The following ACOXL variants were observed in gnomAD, a reference collection of about 807,000 sequenced individuals.
ACOXL encodes the protein acyl-CoA oxidase like, also known as acyl-coenzyme A oxidase-like protein.
ACOXL carries 70 observed loss-of-function variants against 71.9 expected under a neutral mutation model. The ratio of observed to expected loss-of-function variants is 0.97; its 90% CI spans 0.80 to 1.19. The LOEUF (loss-of-function observed/expected upper bound fraction) is 1.19. Ranked by LOEUF, ACOXL falls within the 50% of genes most tolerant of loss-of-function variation. The pLI is 0.00. For synonymous variants in ACOXL, 253 were observed against 281.6 expected, an observed-to-expected ratio of 0.90 and a Z score of 1.02; for missense variants, 703 against 736.3, an observed-to-expected ratio of 0.95 and a Z score of 0.52.
At chr2:111,016,468 T>A (rs1242714527) in intron 14 of ACOXL, 1 of 152,230 alleles carries the variant, frequency 6.6e-6, no homozygotes, top group East Asian at 1.9e-4. Context: ...AATTATAACT[T>A]AAACAGGTCC....
At chr2:110,734,645 C>T (rs1676611521) in intron 1 of ACOXL, among the ~76,000 whole-genome samples, 2 of 152,154 alleles carry the variant, frequency 1.3e-5, no homozygotes, top group South Asian at 2.1e-4. Flanking sequence ...ACACACATCC[C>T]CTCCTATATT....
At chr2:110,892,194 G>C (rs11688375) in intron 10 of ACOXL, among the ~76,000 whole-genome samples, 2 of 152,090 alleles carry the variant, frequency 1.3e-5, no homozygotes, top group Admixed American at 1.3e-4. Context: ...AATGAAATGG[G>C]CTTATCATAA....
At chr2:110,865,310 G>T (rs1353897193) in intron 10 of ACOXL, among the ~76,000 whole-genome samples, 1 of 152,212 alleles carries the variant, frequency 6.6e-6, no homozygotes, top group East Asian at 1.9e-4. Flanking sequence ...GGTGCGTAGG[G>T]TGGGGTTGGG....
At chr2:111,060,595 A>G (rs1487119931) in intron 16 of ACOXL, among the ~76,000 whole-genome samples, 1 of 152,250 alleles carries the variant, frequency 6.6e-6, no homozygotes, top group Non-Finnish European at 1.5e-5. Flanking sequence ...CAAAATGCAT[A>G]GTTTTCAATC....
At chr2:110,951,311 A>G (rs2061326747) in intron 12 of ACOXL, among the ~76,000 whole-genome samples, 1 of 152,252 alleles carries the variant, frequency 6.6e-6, no homozygotes, top group Non-Finnish European at 1.5e-5. Context: ...TCAACAACCT[A>G]GTTAAAGTGC....
At position 111,072,041 on chromosome 2, in the gene ACOXL, A is replaced by G. The variant is rs567625544; in HGVS notation, c.1441-20824A>G. 5.9e-5 allele frequency among the ~76,000 whole-genome samples: 9 copies of G among 152,350 alleles called. No individual in the cohort carries two copies. The South Asian group carries it at 8.3e-4, about 14-fold the overall frequency. ...TCAGGAAGGGAAGGAGTAACTTTCA[A>G]TGAAAGAACAGGGAGATCCTTGGAC... On this transcript the variant is annotated intron_variant, in intron 16 of 17. Transcript: ENST00000439055.
intron 11 of ACOXL, among the ~76,000 whole-genome samples, chr2:110,923,674 C>T (rs556248226): frequency 7.9e-5 from 12 of 152,172 alleles, no homozygotes; most frequent in African/African-American, 2.2e-4. Context: ...TGGCTCATGC[C>T]TGTAATCTCA....
At chr2:110,753,150 CCT>C (rs1333965139) in intron 1 of ACOXL, among the ~76,000 whole-genome samples, 1 of 152,042 alleles carries the variant, frequency 6.6e-6, no homozygotes, top group Admixed American at 6.6e-5. Context: ...GGCACCTCCT[CCT>C]CTCTTTCTTA....
chr2:110,799,435 T>C (rs3817265), intron 7 of ACOXL, among the ~76,000 whole-genome samples: 7,823 of 152,228 alleles, frequency 0.051, 324 homozygotes, highest in African/African-American at 0.11. Context: ...CTCTTCTTTG[T>C]ACCCCTGGCC....
chr2:110,895,666 A>G (rs1406021991), intron 10 of ACOXL, among the ~76,000 whole-genome samples: 3 of 142,168 alleles, frequency 2.1e-5, no homozygotes, highest in Non-Finnish European at 4.7e-5. Flanking sequence ...CTTGAAAACA[A>G]TAGAGAGAGA....
chr2:111,089,282 C>A (rs762808845), intron 16 of ACOXL, among the ~76,000 whole-genome samples: 1 of 152,014 alleles, frequency 6.6e-6, no homozygotes, highest in East Asian at 1.9e-4. Context: ...TGGCGATAGA[C>A]CGAGACTCCG....
intron 17 of ACOXL, chr2:111,093,725 G>T (rs552959012): frequency 5.9e-6 from 3 of 506,220 alleles, no homozygotes; most frequent in African/African-American, 5.9e-5. Context: ...TTAGCTGGGC[G>T]TGGTGGCATG....
intron 12 of ACOXL, among the ~76,000 whole-genome samples, chr2:110,964,166 C>T (rs1558797236): frequency 6.6e-6 from 1 of 152,084 alleles, no homozygotes. Flanking sequence ...CAGGGGGGTC[C>T]CTTTGCATGT....
At chr2:110,964,046 A>C (rs914531400) in intron 12 of ACOXL, among the ~76,000 whole-genome samples, 3 of 152,236 alleles carry the variant, frequency 2.0e-5, no homozygotes, top group East Asian at 3.8e-4. Flanking sequence ...GCAATGGATC[A>C]GCCTCCTAAT....
intron 9 of ACOXL, among the ~76,000 whole-genome samples, chr2:110,824,692 C>G (rs1688977649): frequency 6.6e-6 from 1 of 151,980 alleles, no homozygotes; most frequent in African/African-American, 2.4e-5. Context: ...TTCCATTTCT[C>G]TGCTAAGATT....
intron 10 of ACOXL, among the ~76,000 whole-genome samples, chr2:110,898,129 G>C (rs2059089070): frequency 6.6e-6 from 1 of 152,130 alleles, no homozygotes; most frequent in South Asian, 2.1e-4. Context: ...CTCCAGGCCA[G>C]ATGTTTTCAC....
intron 17 of ACOXL, among the ~76,000 whole-genome samples, chr2:111,095,716 A>C (rs1406106075): frequency 6.6e-6 from 1 of 152,078 alleles, no homozygotes; most frequent in African/African-American, 2.4e-5. Flanking sequence ...ACAGTGCCAC[A>C]TGCTTTCCAC....
At chr2:110,845,918 C>A (rs909880669) in intron 10 of ACOXL, among the ~76,000 whole-genome samples, 2 of 152,092 alleles carry the variant, frequency 1.3e-5, no homozygotes, top group African/African-American at 4.8e-5. Flanking sequence ...TCTTTGACAC[C>A]CTGCTTTCAA....
chr2:110,768,669 C>A (rs139366089), intron 2 of ACOXL, among the ~76,000 whole-genome samples: 1 of 152,066 alleles, frequency 6.6e-6, no homozygotes, highest in Non-Finnish European at 1.5e-5. Context: ...ACTGAACTCA[C>A]GATAGGTAGT....
Sources: gnomAD v4.1 joint callset for allele counts (sites outside exome capture counted in the v4.1 genomes callset) on GRCh38, gnomAD v4.1.1 for gene constraint, MANE v1.5 for transcripts, NCBI Gene and HGNC (gene_info 2026-07-23, HGNC 2026-07-21) for gene names.